The following DMXL1 variants were observed in gnomAD, a reference collection of about 807,000 sequenced individuals.
The protein encoded by DMXL1 is Dmx like 1.
In DMXL1, 99 loss-of-function variants were observed where a neutral mutation model predicts 319.2. The observed-to-expected ratio is 0.31, with a 90% CI of 0.26 to 0.37. DMXL1 has a LOEUF of 0.37. DMXL1 is among the 10% of genes least tolerant of loss of function. DMXL1 has a pLI of 1.00. For synonymous variants in DMXL1, 1,385 were observed against 1,235.2 expected (o/e 1.12, Z -2.54); for missense variants, 3,745 against 3,595.6 (o/e 1.04, Z -1.06).
chr5:119,227,407 A>C (rs902900403), intron 38 of DMXL1, among the ~76,000 whole-genome samples: 2 of 152,168 alleles, frequency 1.3e-5, no homozygotes, highest in Non-Finnish European at 2.9e-5. Context: ...AAGATTTTTA[A>C]AAACCTCTTG....
chr5:119,134,425 A>C, intron 13 of DMXL1, 36 bp downstream of exon 13: 1 of 1,519,560 alleles, frequency 6.6e-7, no homozygotes, highest in Non-Finnish European at 8.9e-7. Flanking sequence ...TAAGTATATA[A>C]TATTATGTTT....
intron 1 of DMXL1, among the ~76,000 whole-genome samples, 196 bp from the exon 2 acceptor site, chr5:119,097,783 A>G (rs1756327384): frequency 2.6e-5 from 4 of 152,140 alleles, no homozygotes; most frequent in Admixed American, 2.6e-4. Flanking sequence ...GGACTGACAG[A>G]ATTTGCTAAT....
At chr5:119,120,770 C>A (rs372286569) in intron 8 of DMXL1, among the ~76,000 whole-genome samples, 1 of 152,154 alleles carries the variant, frequency 6.6e-6, no homozygotes, top group African/African-American at 2.4e-5. Context: ...TAAGTCATAA[C>A]TTTATTCTTC....
At chr5:119,104,260 T>C (rs1757873859) in intron 3 of DMXL1, 1 of 152,192 alleles carries the variant, frequency 6.6e-6, no homozygotes, top group South Asian at 2.1e-4. Context: ...ATATGTCTTG[T>C]TCTAGAGAGG....
rs1332387413 is a variant in DMXL1 at position 119,233,429 on chromosome 5, A to G, written c.8428A>G (p.Arg2810Gly). Residue 2810 changes from arginine to glycine, a missense_variant, in exon 39 of 44, where the codon AGA becomes GGA. Transcript: ENST00000539542. ...CTGTTTTCGATCTGGTGGCAATTCA[A>G]GAGTTACAAGAATGAGATTTAACTA... The part of the protein sequence containing the change: ...ITCFRSGGNS[R>G]VTRMRFNYQG... 1.9e-6 allele frequency: 3 copies of G among 1,612,180 alleles called. No homozygotes were observed. Among genetic ancestry groups the G allele is most frequent in the East Asian group, 2.2e-5 (1 of 44,760 alleles).
rs193289418 is a variant in DMXL1, at chr5:119,206,943, A to G, written c.7926+47A>G. On this transcript the variant is annotated intron_variant, in intron 34 of 43. Transcript: ENST00000539542. ...AAATTAAAAATTGCATTCTTTCACA[A>G]AAGAACAAAGCATTTGCATTTTACT... 3.4e-6 allele frequency: 4 copies of G among 1,166,752 alleles called. No homozygotes were observed. The East Asian group carries it at 7.8e-5, about 23-fold the overall frequency. 72.3% of individuals were successfully genotyped at this position (1,166,752 alleles called of 1,614,324 possible). A position where few individuals can be genotyped will look rare whatever the true frequency, so the allele number is the denominator to read the frequency against.
chr5:119,189,054 AT>A (rs1324861310), intron 28 of DMXL1, among the ~76,000 whole-genome samples: 2 of 152,148 alleles, frequency 1.3e-5, no homozygotes, highest in Non-Finnish European at 2.9e-5. Flanking sequence ...GATTTGTATA[AT>A]TTTTTTAATG....
chr5:119,164,709 A>C (rs1773046461), intron 20 of DMXL1, 33 bp downstream of exon 20: 1 of 1,537,778 alleles, frequency 6.5e-7, no homozygotes, highest in African/African-American at 1.4e-5. Flanking sequence ...TAAGTGAATT[A>C]ATATTTTTTG....
intron 15 of DMXL1, among the ~76,000 whole-genome samples, chr5:119,146,175 ATT>A (rs1196895244): frequency 3.3e-5 from 5 of 151,756 alleles, no homozygotes; most frequent in African/African-American, 1.2e-4. Flanking sequence ...TCTACGATTT[ATT>A]TTGTTTTTAT....
At chr5:119,155,759 C>T (rs981004896) in intron 19 of DMXL1, among the ~76,000 whole-genome samples, 4 of 138,644 alleles carry the variant, frequency 2.9e-5, no homozygotes, top group African/African-American at 1.1e-4. Context: ...TCCAGGAGGT[C>T]AAGACTGCAA....
At chr5:119,098,253 A>G in intron 2 of DMXL1, 149 bp downstream of exon 2, 1 of 735,708 alleles carries the variant, frequency 1.4e-6, no homozygotes, top group Non-Finnish European at 2.1e-6. Context: ...TCTAAGATGC[A>G]TTCTATAGAG....
chr5:119,118,688 T>C (rs1761376640), intron 7 of DMXL1, 127 bp from the exon 8 acceptor site: 2 of 687,494 alleles, frequency 2.9e-6, no homozygotes, highest in Non-Finnish European at 4.9e-6. Flanking sequence ...ATGAAATCTG[T>C]ACATATTGAT....
rs763615811 is a variant in DMXL1, at chr5:119,149,961, T to C, written c.4134T>C (p.Ala1378=). Residue 1378 remains alanine, a synonymous_variant, in exon 18 of 44, where the codon GCT becomes GCC. Coordinates refer to ENST00000539542, the MANE Select transcript of DMXL1 (RefSeq NM_001290321.3). The stretch of plus-strand genomic sequence containing the variant: ...GCCTTAGGTCTCTCACAATCAGTGC[T>C]AGTGGAAGCACTACCAGAGACCCCC... The part of the protein sequence containing the change: ...ERRLRSLTIS[A]SGSTTRDPQA... 43 of 1,613,922 alleles carry C rather than the reference T, an allele frequency of 2.7e-5. No individual in the cohort carries two copies. The African/African-American group carries it at 4.5e-4, about 17-fold the overall frequency.
At chr5:119,114,670 TTTTG>T (rs1170818818) in intron 6 of DMXL1, 129 bp downstream of exon 6, 14 of 717,822 alleles carry the variant, frequency 2.0e-5, no homozygotes, top group African/African-American at 5.6e-5. Flanking sequence ...AAATTGTTTT[TTTTG>T]TTTGTTTGTT....
At position 119,175,275 on chromosome 5, in the gene DMXL1, T is replaced by C. The variant is rs375358109; in HGVS notation, c.6696T>C (p.His2232=). 3 of 1,611,540 alleles carry C rather than the reference T, an allele frequency of 1.9e-6. No individual in the cohort carries two copies. Among genetic ancestry groups the C allele is most frequent in the Admixed American group, 3.3e-5 (2 of 59,938 alleles). ...TTGTTTTCCAGGTGTATGTAATGCA[T>C]ACTTTAGCAGCTTCACTTTCTGCTT... is the stretch of plus-strand genomic sequence containing the variant. The part of the protein sequence containing the change: ...DIQSNKVYVM[H]TLAASLSACI... Residue 2232 remains histidine (H), a synonymous_variant, in exon 26 of 44, where the codon CAT becomes CAC. Transcript: ENST00000539542.
chr5:119,141,553 G>A (rs904382852), intron 13 of DMXL1, among the ~76,000 whole-genome samples: 1 of 152,046 alleles, frequency 6.6e-6, no homozygotes, highest in Non-Finnish European at 1.5e-5. Flanking sequence ...CAGGGGGGTG[G>A]AAGATCTCTA....
intron 1 of DMXL1, among the ~76,000 whole-genome samples, chr5:119,096,315 T>C (rs1755956695): frequency 6.6e-6 from 1 of 152,110 alleles, no homozygotes; most frequent in Admixed American, 6.6e-5. Flanking sequence ...TAGCTGAGAT[T>C]ACAGGCATGC....
At chr5:119,144,503 G>C (rs1267405453) in intron 14 of DMXL1, 33 bp from the exon 15 acceptor site, 2 of 1,429,640 alleles carry the variant, frequency 1.4e-6, no homozygotes, top group Non-Finnish European at 1.9e-6. Flanking sequence ...ATAACACATA[G>C]GTCAACTTAC....
chr5:119,139,176 A>G (rs539936457), intron 13 of DMXL1, among the ~76,000 whole-genome samples: 62 of 151,410 alleles, frequency 4.1e-4, no homozygotes, highest in African/African-American at 1.5e-3. Context: ...TAATATAAAA[A>G]CACACTTAAA....
Sources: allele counts gnomAD v4.1 joint callset (sites outside exome capture counted in the v4.1 genomes callset), GRCh38; gene constraint gnomAD v4.1.1; transcripts MANE v1.5; gene names NCBI Gene and HGNC (gene_info 2026-07-23, HGNC 2026-07-21).